NUP155: variants seen among roughly 807,000 people sequenced by gnomAD.
The protein encoded by NUP155 is nucleoporin 155, also known as nuclear pore complex protein Nup155.
Under a neutral mutation model 180.4 loss-of-function variants are expected in NUP155, and 71 were observed. That is an observed-to-expected ratio of 0.39 (90% CI 0.33 to 0.48). The LOEUF is 0.48. Among genes scored for constraint, NUP155 ranks in the 20% least tolerant of loss-of-function variants. The probability of loss-of-function intolerance (pLI) is 0.91; values close to 1 mark genes in which losing one functional copy is unlikely to be tolerated. For synonymous variants in NUP155, 582 were observed against 559.5 expected (o/e 1.04, Z -0.57); for missense variants, 1,553 against 1,648.9 (o/e 0.94, Z 1.01).
At chr5:37,324,858 A>G (rs564434830) in intron 19 of NUP155, among the ~76,000 whole-genome samples, 1 of 152,290 alleles carries the variant, frequency 6.6e-6, no homozygotes, top group Non-Finnish European at 1.5e-5. Flanking sequence ...GAGCCTCACA[A>G]TTAAAAATAT....
In NUP155 at chr5:37,292,900, C is replaced by T; in HGVS notation, c.4016G>A (p.Ser1339Asn). 1 of 1,609,522 alleles carries T rather than the reference C, an allele frequency of 6.2e-7. No individual in the cohort carries two copies. The highest frequency in any genetic ancestry group is 8.5e-7 in the Non-Finnish European group (1 of 1,176,370). The change falls in exon 34 of 35, where the codon AGC (serine) becomes AAC (asparagine). Residue 1339 changes from serine to asparagine, a missense_variant. Ser to Asn is a conservative substitution (Grantham distance 46). Transcript: ENST00000231498. ...GTACCTTTCACAATTTAAAACTTGG[C>T]TGGGATTCTCAACATATCTTATCAA... The part of the protein sequence containing the change: ...VLLIRYVENP[S>N]QVLNCERRRF...
At chr5:37,352,649 A>G (rs1457416203) in intron 5 of NUP155, 88 bp downstream of exon 5, 2 of 828,052 alleles carry the variant, frequency 2.4e-6, no homozygotes, top group Non-Finnish European at 2.1e-6. Context: ...ATGGAATTCA[A>G]CATTTCACCC....
At chr5:37,354,657 A>G (rs747698927) in intron 4 of NUP155, among the ~76,000 whole-genome samples, 1 of 147,474 alleles carries the variant, frequency 6.8e-6, no homozygotes, top group Non-Finnish European at 1.5e-5. Context: ...GGGTATCACC[A>G]TGTTGCCCAG....
Position 37,331,807 on chromosome 5 carries a change from G to A in NUP155, c.1519-12C>T, listed in dbSNP as rs767609612. The A allele has an allele frequency of 1.3e-6, 2 of 1,520,472 alleles. No individual in the cohort carries two copies. The highest frequency in any genetic ancestry group is 4.5e-5 in the East Asian group (2 of 44,402). The allele number at this position is 1,520,472 out of a possible 1,614,324, so 94.2% of individuals were successfully genotyped here. A position where few individuals can be genotyped will look rare whatever the true frequency, so the allele number is the denominator to read the frequency against. ...AACATAAGGCTCCCCTAAGAAATTTGAAGAAAGAACATGAACAAGAGATTT... is the reference window on the plus strand; with the variant it reads ...AACATAAGGCTCCCCTAAGAAATTTAAAGAAAGAACATGAACAAGAGATTT... On this transcript the variant is annotated splice_polypyrimidine_tract_variant and intron_variant, in intron 13 of 34. Transcript: ENST00000231498.
chr5:37,322,138 G>A (rs1468450493), intron 20 of NUP155, among the ~76,000 whole-genome samples: 2 of 152,052 alleles, frequency 1.3e-5, no homozygotes, highest in Non-Finnish European at 2.9e-5. Context: ...ACAGGCATCA[G>A]CCATCACGCC....
rs527704178 is a variant in NUP155 at position 37,366,142 on chromosome 5, C to G, written c.158-1758G>C. Among the ~76,000 whole-genome samples, 117 of 152,224 alleles carry G rather than the reference C, an allele frequency of 7.7e-4. No individual in the cohort carries two copies. The Middle Eastern group carries it at 0.017, about 22-fold the overall frequency. On this transcript the variant is annotated intron_variant, in intron 1 of 34. Transcript: ENST00000231498. ...GCAACCTTTCTCTTGCTCTAAGACTCCATCACTAAGGACAGGAGTGGGCTG... is the reference window on the plus strand; with the variant it reads ...GCAACCTTTCTCTTGCTCTAAGACTGCATCACTAAGGACAGGAGTGGGCTG...
intron 20 of NUP155, among the ~76,000 whole-genome samples, chr5:37,321,251 C>A (rs910937762): frequency 6.6e-6 from 1 of 152,170 alleles, no homozygotes; most frequent in African/African-American, 2.4e-5. Flanking sequence ...AAGGGTGAGG[C>A]AGGAGAATCG....
chr5:37,303,286 T>C lies in NUP155; in HGVS notation c.3291A>G (p.Val1097=). 6.2e-7 allele frequency: 1 copy of C among 1,614,178 alleles called. No homozygotes were observed. The highest frequency in any genetic ancestry group is 1.7e-4 in the Middle Eastern group (1 of 6,060). The change falls in exon 28 of 35, where the codon GTA becomes GTG. Residue 1097 remains valine, a synonymous_variant. Coordinates refer to ENST00000231498, the MANE Select transcript of NUP155 (RefSeq NM_153485.3). ...TATGCATGTCAGCCAGTCTGGACAG[T>C]ACACGAGCAGCATTACTGAAACTTC... ...KNRSFSNAAR[V]LSRLADMHST... is the part of the protein sequence containing the mutation.
At chr5:37,361,623 C>T (rs1294276145) in intron 3 of NUP155, among the ~76,000 whole-genome samples, 3 of 152,060 alleles carry the variant, frequency 2.0e-5, no homozygotes, top group African/African-American at 7.2e-5. Context: ...GGTTAGAGAA[C>T]AATGAAATGA....
At chr5:37,315,460 A>G (rs534036450) in intron 21 of NUP155, among the ~76,000 whole-genome samples, 1 of 152,346 alleles carries the variant, frequency 6.6e-6, no homozygotes, top group Non-Finnish European at 1.5e-5. Context: ...ACAATGAAAT[A>G]TTTGATTCAT....
At chr5:37,332,986 C>G (rs1460444202) in intron 13 of NUP155, among the ~76,000 whole-genome samples, 1 of 151,586 alleles carries the variant, frequency 6.6e-6, no homozygotes, top group Non-Finnish European at 1.5e-5. Context: ...AATAAAATAT[C>G]AACTGATAAC....
intron 6 of NUP155, 59 bp from the exon 7 acceptor site, chr5:37,350,324 AC>A: frequency 9.6e-7 from 1 of 1,042,746 alleles, no homozygotes; most frequent in South Asian, 1.3e-5. Flanking sequence ...TACAATAACT[AC>A]TGTATATCCA....
chr5:37,336,986 C>G (rs1466142596), intron 12 of NUP155, among the ~76,000 whole-genome samples: 3 of 152,150 alleles, frequency 2.0e-5, no homozygotes, highest in Non-Finnish European at 4.4e-5. Flanking sequence ...ATTCACACCC[C>G]ACTAGGGGCT....
rs754443867 is a variant in NUP155, at chr5:37,333,618, C to T, written c.1363G>A (p.Asp455Asn). 2.4e-5 allele frequency: 38 copies of T among 1,613,312 alleles called. No homozygotes were observed. Among genetic ancestry groups the T allele is most frequent in the Non-Finnish European group, 2.8e-5 (33 of 1,179,572 alleles). ...GCAGAAAGAGCCCAGGAATGACCAT[C>T]AACACCAGCTGTCATCTATGTAAAA... ...MMETQMTAGV[D>N]GHSWALSAID... is the part of the protein sequence containing the mutation. Residue 455 changes from aspartate (D) to asparagine (N), a missense_variant, in exon 13 of 35, where the codon GAT (aspartate) becomes AAT (asparagine). Asp to Asn is a conservative substitution (Grantham distance 23). Transcript: ENST00000231498.
intron 32 of NUP155, among the ~76,000 whole-genome samples, chr5:37,295,807 C>G (rs1185136831): frequency 2.0e-5 from 3 of 151,484 alleles, no homozygotes; most frequent in Non-Finnish European, 4.4e-5. Context: ...GCCCCTCCGC[C>G]CAGCAGCCGC....
rs140576373 is a variant in NUP155 at position 37,348,497 on chromosome 5, CAT to C, written c.995+6_995+7del. ...AAATGAAATGCTTAATAATAAATTA[CAT>C]GTTACCTAGCAATGTTACCAGCAGC... On this transcript the variant is annotated splice_donor_region_variant and intron_variant, in intron 9 of 34. Coordinates refer to ENST00000231498, the MANE Select transcript of NUP155 (RefSeq NM_153485.3). 3.7e-3 allele frequency: 5,734 copies of C among 1,546,016 alleles called. 239 individuals carry two copies. The East Asian group carries it at 0.099, about 27-fold the overall frequency.
intron 24 of NUP155, among the ~76,000 whole-genome samples, chr5:37,308,022 T>C (rs1425599634): frequency 1.3e-5 from 2 of 151,572 alleles, no homozygotes; most frequent in Non-Finnish European, 2.9e-5. Flanking sequence ...AGGAAAGTTT[T>C]AGTTCCCTAC....
chr5:37,291,725 G>T lies in NUP155; in HGVS notation c.*175C>A. 1 of 514,348 alleles carries T rather than the reference G, an allele frequency of 1.9e-6. No homozygotes were observed. Among genetic ancestry groups the T allele is most frequent in the Non-Finnish European group, 3.4e-6 (1 of 293,370 alleles). The allele number at this position is 514,348 out of a possible 1,614,324, so 31.9% of individuals were successfully genotyped here. ...CACCCAATTACTAAAAAACAAAATA[G>T]TCATAAAAAAGAATTCATTTAGCAA... On this transcript the variant is annotated 3_prime_UTR_variant, in exon 35 of 35. Transcript: ENST00000231498.
At chr5:37,369,537 T>C (rs999665036) in intron 1 of NUP155, among the ~76,000 whole-genome samples, 2 of 152,162 alleles carry the variant, frequency 1.3e-5, no homozygotes, top group African/African-American at 4.8e-5. Context: ...CCAGAATGCA[T>C]GCACTGTTTT....
Sources: allele counts gnomAD v4.1 joint callset (sites outside exome capture counted in the v4.1 genomes callset), GRCh38; gene constraint gnomAD v4.1.1; transcripts MANE v1.5; gene names NCBI Gene and HGNC (gene_info 2026-07-23, HGNC 2026-07-21).